Variants in GDPD5 observed in about 807,000 individuals in gnomAD.
The protein encoded by GDPD5 is glycerophosphodiester phosphodiesterase domain containing 5.
GDPD5 carries 48 observed loss-of-function variants against 75.1 expected under a neutral mutation model. The ratio of observed to expected loss-of-function variants is 0.64; its 90% confidence interval spans 0.51 to 0.81. The LOEUF (loss-of-function observed/expected upper bound fraction) is 0.81, where lower values mean the gene tolerates loss of function less well. GDPD5 is among the 40% of genes least tolerant of loss of function. The probability of loss-of-function intolerance (pLI) is 0.00; values close to 1 mark genes in which losing one functional copy is unlikely to be tolerated. For synonymous variants in GDPD5, 336 were observed against 339.0 expected (o/e 0.99, Z 0.10); for missense variants, 706 against 822.6 (o/e 0.86, Z 1.73).
At chr11:75,481,574 G>C (rs970595626) in intron 2 of GDPD5, among the ~76,000 whole-genome samples, 2 of 152,054 alleles carry the variant, frequency 1.3e-5, no homozygotes, top group Non-Finnish European at 2.9e-5. Context: ...GAGAGACCAT[G>C]GGTGGGGGTT....
intron 1 of GDPD5, among the ~76,000 whole-genome samples, chr11:75,496,767 T>TTTTCTTTC (rs200451435): frequency 9.3e-5 from 12 of 129,052 alleles, no homozygotes; most frequent in South Asian, 2.4e-4. Flanking sequence ...TTTTTTTTTC[T>TTTTCTTTC]TTTCTTTCTT....
intron 1 of GDPD5, among the ~76,000 whole-genome samples, chr11:75,500,939 A>G (rs1335067777): frequency 6.6e-6 from 1 of 152,196 alleles, no homozygotes; most frequent in Non-Finnish European, 1.5e-5. Context: ...ACTCTCCAGC[A>G]GGCCTGGGCA....
At chr11:75,484,772 G>T (rs371770131) in intron 2 of GDPD5, among the ~76,000 whole-genome samples, 1 of 152,132 alleles carries the variant, frequency 6.6e-6, no homozygotes, top group Non-Finnish European at 1.5e-5. Flanking sequence ...ACATATGTAC[G>T]GTGTGAGTAC....
chr11:75,456,216 T>C (rs900654505), intron 6 of GDPD5, among the ~76,000 whole-genome samples: 2 of 152,058 alleles, frequency 1.3e-5, no homozygotes, highest in African/African-American at 2.4e-5. Flanking sequence ...CCATGATGGG[T>C]TGGGAGATCA....
At chr11:75,503,786 A>G (rs1894212) in intron 1 of GDPD5, among the ~76,000 whole-genome samples, 7,338 of 152,284 alleles carry the variant, frequency 0.048, 428 homozygotes, top group African/African-American at 0.13. Context: ...GGGGAAAGTC[A>G]GGCGATCAGA....
At chr11:75,498,196 C>T (rs535757754) in intron 1 of GDPD5, among the ~76,000 whole-genome samples, 2 of 152,122 alleles carry the variant, frequency 1.3e-5, no homozygotes, top group Non-Finnish European at 2.9e-5. Flanking sequence ...AGGGTGGATC[C>T]CATGAGGGCT....
chr11:75,452,017 C>T (rs1949171807), intron 6 of GDPD5: 1 of 152,204 alleles, frequency 6.6e-6, no homozygotes, highest in Non-Finnish European at 1.5e-5. Flanking sequence ...AGAAAGTGGC[C>T]TTGGGTTCTC....
At chr11:75,445,503 G>A (rs1252558083) in intron 9 of GDPD5, among the ~76,000 whole-genome samples, 6 of 152,184 alleles carry the variant, frequency 3.9e-5, no homozygotes, top group African/African-American at 1.4e-4. Flanking sequence ...TGCTGCCACT[G>A]GGGGTCAGCA....
chr11:75,489,057 C>T (rs183667792), intron 2 of GDPD5, among the ~76,000 whole-genome samples: 26 of 151,842 alleles, frequency 1.7e-4, no homozygotes, highest in Non-Finnish European at 2.9e-4. Context: ...AAATGTGAGA[C>T]GGAAGGAAAA....
intron 1 of GDPD5, among the ~76,000 whole-genome samples, chr11:75,522,839 G>T (rs1300459586): frequency 6.6e-6 from 1 of 152,036 alleles, no homozygotes; most frequent in Non-Finnish European, 1.5e-5. Flanking sequence ...TGGGCCCGAG[G>T]GAATGGACAC....
intron 2 of GDPD5, chr11:75,485,784 G>A (rs980756103): frequency 4.6e-5 from 7 of 152,186 alleles, no homozygotes; most frequent in African/African-American, 1.7e-4. Flanking sequence ...CATTTTGGTT[G>A]GTATCAGGAA....
chr11:75,449,133 G>A lies in GDPD5; in HGVS notation c.569-11C>T. The A allele has an allele frequency of 1.9e-6, 3 of 1,568,326 alleles. No homozygotes were observed. Among genetic ancestry groups the A allele is most frequent in the South Asian group, 2.3e-5 (2 of 85,472 alleles). ...TGGTCACCTGGGAGGCTGCAGATAAGGGGCCGTGAGTGCTGCCTGGTGAGC... is the reference window on the plus strand; with the variant it reads ...TGGTCACCTGGGAGGCTGCAGATAAAGGGCCGTGAGTGCTGCCTGGTGAGC... On this transcript the variant is annotated splice_polypyrimidine_tract_variant and intron_variant, in intron 8 of 16. Coordinates refer to ENST00000336898, the MANE Select transcript of GDPD5 (RefSeq NM_030792.8).
At chr11:75,442,301 C>T (rs1280546211) in intron 12 of GDPD5, 62 bp downstream of exon 12, 4 of 1,273,666 alleles carry the variant, frequency 3.1e-6, no homozygotes, top group Non-Finnish European at 4.3e-6. Flanking sequence ...AAAGGCTATG[C>T]AGCAGCAGGG....
At chr11:75,449,694 G>C (rs1035089817) in intron 7 of GDPD5, 84 bp from the exon 8 acceptor site, 10 of 1,429,362 alleles carry the variant, frequency 7.0e-6, no homozygotes, top group Non-Finnish European at 9.7e-6. Context: ...TTCTACCTAT[G>C]AGGCAGGCAA....
At chr11:75,516,420 C>A (rs559467732) in intron 1 of GDPD5, among the ~76,000 whole-genome samples, 3 of 152,248 alleles carry the variant, frequency 2.0e-5, no homozygotes, top group Non-Finnish European at 4.4e-5. Flanking sequence ...TGTGCCCAGG[C>A]AAGGAGACCA....
intron 8 of GDPD5, 79 bp from the exon 9 acceptor site, chr11:75,449,201 A>G: frequency 6.7e-7 from 1 of 1,490,552 alleles, no homozygotes; most frequent in Non-Finnish European, 9.0e-7. Flanking sequence ...TCTACCCCCG[A>G]CCTGTCAGGA....
At chr11:75,476,020 G>A (rs1949770356) in intron 3 of GDPD5, among the ~76,000 whole-genome samples, 1 of 152,146 alleles carries the variant, frequency 6.6e-6, no homozygotes, top group Non-Finnish European at 1.5e-5. Context: ...TGAGACTTCT[G>A]GGAGATACGC....
intron 3 of GDPD5, among the ~76,000 whole-genome samples, chr11:75,470,529 C>T (rs1054375113): frequency 6.6e-6 from 1 of 152,146 alleles, no homozygotes; most frequent in Admixed American, 6.5e-5. Flanking sequence ...ATCCACCCAT[C>T]CATCGACATC....
At chr11:75,490,786 TG>T (rs1011891787) in intron 1 of GDPD5, 1 of 152,260 alleles carries the variant, frequency 6.6e-6, no homozygotes, top group Non-Finnish European at 1.5e-5. Context: ...AGGTGGGATC[TG>T]GGGCACCACA....
Sources: allele counts gnomAD v4.1 joint callset (sites outside exome capture counted in the v4.1 genomes callset), GRCh38; gene constraint gnomAD v4.1.1; transcripts MANE v1.5; gene names NCBI Gene and HGNC (gene_info 2026-07-23, HGNC 2026-07-21).